GLIS3: variants seen among roughly 807,000 people sequenced by gnomAD.
The protein encoded by GLIS3 is GLIS family zinc finger 3.
Under a neutral mutation model 78.6 loss-of-function variants are expected in GLIS3, and 53 were observed. That is an observed-to-expected ratio of 0.67 (90% CI 0.54 to 0.85). The LOEUF is 0.85. Among genes scored for constraint, GLIS3 ranks in the 40% least tolerant of loss-of-function variants. GLIS3 has a pLI of 0.00. For missense variants in GLIS3, 1,703 were observed against 1,231.1 expected, an observed-to-expected ratio of 1.38 and a Z score of -5.74; for synonymous variants, 684 against 509.9, an observed-to-expected ratio of 1.34 and a Z score of -4.60.
chr9:4,122,480 G>A (rs2130899958), intron 3 of GLIS3, among the ~76,000 whole-genome samples: 1 of 152,216 alleles, frequency 6.6e-6, no homozygotes, highest in East Asian at 1.9e-4. Context: ...ACTCTCAAAG[G>A]AAACCATCAC....
intron 4 of GLIS3, among the ~76,000 whole-genome samples, chr9:4,113,737 G>C (rs771200232): frequency 3.9e-5 from 6 of 152,138 alleles, no homozygotes; most frequent in Non-Finnish European, 7.4e-5. Context: ...CCACAAAAGA[G>C]GAATGGGGAC....
chr9:4,159,081 A>G (rs951966616), intron 2 of GLIS3, among the ~76,000 whole-genome samples: 15 of 150,056 alleles, frequency 1.0e-4, no homozygotes, highest in African/African-American at 3.5e-4. Context: ...TCGGCAAGGG[A>G]GAATGTGGTA....
intron 2 of GLIS3, among the ~76,000 whole-genome samples, chr9:4,225,738 T>C (rs1358152056): frequency 6.6e-6 from 1 of 152,224 alleles, no homozygotes; most frequent in Non-Finnish European, 1.5e-5. Context: ...TGCTAATGTA[T>C]GAGAGGGTGA....
the GLIS3 span, among the ~76,000 whole-genome samples, chr9:4,485,739 G>A: frequency 9.8e-5 from 14 of 143,352 alleles, no homozygotes; most frequent in Admixed American, 2.8e-4. Context: ...TTTTTGAGAC[G>A]GAGTTTTGTT....
intron 4 of GLIS3, among the ~76,000 whole-genome samples, chr9:4,032,524 G>T (rs1823928203): frequency 6.6e-6 from 1 of 151,874 alleles, no homozygotes; most frequent in African/African-American, 2.4e-5. Flanking sequence ...ATTTAGAGAT[G>T]GCAGAATGGC....
At position 4,100,096 on chromosome 9, in the gene GLIS3, A is replaced by G. The variant is rs539487116; in HGVS notation, c.1710+17672T>C. Among the ~76,000 whole-genome samples the G allele has an allele frequency of 4.6e-5, 7 of 152,360 alleles. No homozygotes were observed. The South Asian group carries it at 1.4e-3, about 32-fold the overall frequency. ...GTTTTGAAACGTAAAATTGTGTAAC[A>G]ATAAAAGGTCATGGTATTCTCAATC... is the stretch of plus-strand genomic sequence containing the variant. On this transcript the variant is annotated intron_variant, in intron 4 of 10. Transcript: ENST00000381971.
intron 4 of GLIS3, among the ~76,000 whole-genome samples, chr9:4,100,858 T>C (rs2130798748): frequency 6.6e-6 from 1 of 152,326 alleles, no homozygotes; most frequent in East Asian, 1.9e-4. Flanking sequence ...GATGGAATTC[T>C]ACGTAATCTA....
chr9:4,028,125 G>A (rs958320198), intron 4 of GLIS3, among the ~76,000 whole-genome samples: 3 of 152,088 alleles, frequency 2.0e-5, no homozygotes, highest in African/African-American at 4.8e-5. Context: ...AAGACACCAC[G>A]TGCCATAGAG....
At chr9:4,055,833 C>A (rs1826112238) in intron 4 of GLIS3, among the ~76,000 whole-genome samples, 1 of 152,206 alleles carries the variant, frequency 6.6e-6, no homozygotes. Flanking sequence ...GTCTGGCTTT[C>A]AGAACAGGAC....
intron 2 of GLIS3, among the ~76,000 whole-genome samples, chr9:4,153,198 C>T (rs75859945): frequency 0.036 from 5,466 of 152,236 alleles, 311 homozygotes; most frequent in African/African-American, 0.12. Flanking sequence ...ATGGGCCTTT[C>T]CTTATTCACT....
intron 2 of GLIS3, among the ~76,000 whole-genome samples, chr9:4,254,252 C>T (rs1016585742): frequency 5.3e-5 from 8 of 152,200 alleles, no homozygotes; most frequent in East Asian, 1.9e-4. Flanking sequence ...TCAGAAGATA[C>T]GTGAGAATAA....
chr9:3,980,561 C>T lies in GLIS3; in HGVS notation c.1711-43372G>A, dbSNP rs774177982. 2.8e-4 allele frequency among the ~76,000 whole-genome samples: 43 copies of T among 152,324 alleles called. 1 individual carries two copies. The highest frequency in any genetic ancestry group is 5.9e-4 in the Admixed American group (9 of 15,308). On this transcript the variant is annotated intron_variant, in intron 4 of 10. Transcript: ENST00000381971. ...TTGCTGTGTGTTTAGACACCTTTGA[C>T]AGCCCATATTGAACATACCTAAAAT...
At chr9:4,359,778 C>G in the GLIS3 span, among the ~76,000 whole-genome samples, 17 of 152,142 alleles carry the variant, frequency 1.1e-4, no homozygotes, top group African/African-American at 4.1e-4. Context: ...GAGGTACACA[C>G]TGCCCCGGTC....
the GLIS3 span, among the ~76,000 whole-genome samples, chr9:4,367,261 T>C: frequency 0.016 from 2,475 of 152,326 alleles, 17 homozygotes; most frequent in Middle Eastern, 0.051. Flanking sequence ...TTTACATTTG[T>C]TGAACTCTCT....
chr9:3,879,528 A>T lies in GLIS3; in HGVS notation c.2196T>A (p.His732Gln). 1 of 1,614,140 alleles carries T rather than the reference A, an allele frequency of 6.2e-7. No individual in the cohort carries two copies. Among genetic ancestry groups the T allele is most frequent in the Non-Finnish European group, 8.5e-7 (1 of 1,180,012 alleles). Reference sequence around the variant, plus strand: ...GTCCTGGAGAAGGGTGACTGACAGGATGTGGGGGTGGTACGGCCCCAGCAG... The same window carrying T: ...GTCCTGGAGAAGGGTGACTGACAGGTTGTGGGGGTGGTACGGCCCCAGCAG... ...GTAAGAVPPP[H>Q]PVSHPSPGHN... Residue 732 changes from histidine to glutamine, a missense_variant, in exon 8 of 11, where the codon CAT becomes CAA. By Grantham distance (24) the His-to-Gln change is conservative. Transcript: ENST00000381971.
intron 2 of GLIS3, among the ~76,000 whole-genome samples, chr9:4,147,108 C>T (rs563109025): frequency 5.9e-5 from 9 of 152,278 alleles, no homozygotes; most frequent in African/African-American, 1.9e-4. Flanking sequence ...TTCATTTCTT[C>T]CCCAAATTGA....
At chr9:4,067,803 C>A (rs1430851282) in intron 4 of GLIS3, among the ~76,000 whole-genome samples, 1 of 149,320 alleles carries the variant, frequency 6.7e-6, no homozygotes, top group African/African-American at 2.5e-5. Context: ...AACATTAGAG[C>A]AAAAAAAAAA....
chr9:3,866,607 A>G (rs1355868133), intron 8 of GLIS3, among the ~76,000 whole-genome samples: 1 of 152,224 alleles, frequency 6.6e-6, no homozygotes, highest in African/African-American at 2.4e-5. Context: ...TTTCAGGAAC[A>G]GCAAGTGCAG....
At chr9:3,973,745 G>A (rs1380781217) in intron 4 of GLIS3, among the ~76,000 whole-genome samples, 1 of 151,974 alleles carries the variant, frequency 6.6e-6, no homozygotes, top group East Asian at 1.9e-4. Context: ...ATCAAAACCA[G>A]AAGGCAACAT....
Sources: allele counts gnomAD v4.1 joint callset (sites outside exome capture counted in the v4.1 genomes callset), GRCh38; gene constraint gnomAD v4.1.1; transcripts MANE v1.5; gene names NCBI Gene and HGNC (gene_info 2026-07-23, HGNC 2026-07-21).